PDLIM1: variants seen among roughly 807,000 people sequenced by gnomAD.
PDLIM1 encodes the protein PDZ and LIM domain protein 1.
A neutral mutation model predicts 35.2 loss-of-function variants in PDLIM1; 25 were observed. The ratio of observed to expected loss-of-function variants is 0.71; its 90% CI spans 0.52 to 0.99. The LOEUF (loss-of-function observed/expected upper bound fraction) is 0.99, where lower values mean the gene tolerates loss of function less well. Among genes scored for constraint, PDLIM1 ranks in the 50% least tolerant of loss-of-function variants. The pLI is 0.00. For missense variants in PDLIM1, 363 were observed against 415.3 expected (o/e 0.87, Z 1.09); for synonymous variants, 152 against 154.0 (o/e 0.99, Z 0.10).
chr10:95,256,130 C>T (rs777396991), intron 4 of PDLIM1, among the ~76,000 whole-genome samples: 2 of 152,026 alleles, frequency 1.3e-5, no homozygotes, highest in South Asian at 2.1e-4. Context: ...GAATAGAGTA[C>T]ATTTTAAAAT....
At chr10:95,252,293 A>G (rs2035274438) in intron 4 of PDLIM1, among the ~76,000 whole-genome samples, 1 of 152,180 alleles carries the variant, frequency 6.6e-6, no homozygotes. Flanking sequence ...ATGGGGAGCC[A>G]GAACTCCCAC....
chr10:95,242,807 C>T (rs1183122938), intron 5 of PDLIM1, among the ~76,000 whole-genome samples: 3 of 152,176 alleles, frequency 2.0e-5, no homozygotes, highest in Non-Finnish European at 4.4e-5. Context: ...CTCAAGCATC[C>T]CAAACGGATT....
At chr10:95,271,503 G>T in intron 2 of PDLIM1, 130 bp downstream of exon 2, 1 of 598,996 alleles carries the variant, frequency 1.7e-6, no homozygotes, top group Non-Finnish European at 2.8e-6. Context: ...CAGACCTTTT[G>T]GCATGCCTAT....
At position 95,237,768 on chromosome 10, in the gene PDLIM1, T is replaced by A; in HGVS notation, c.*157A>T. The A allele has an allele frequency of 1.6e-6, 1 of 618,332 alleles. No homozygotes were observed. The highest frequency in any genetic ancestry group is 2.8e-6 in the Non-Finnish European group (1 of 352,660). The allele number at this position is 618,332 out of a possible 1,614,324, so 38.3% of individuals were successfully genotyped here. ...AAAAGCGGGCATCGCACAGCTGGTG[T>A]GAGTCAATTAACCAAGGCAGGGAGG... On this transcript the variant is annotated 3_prime_UTR_variant, in exon 7 of 7. Coordinates refer to ENST00000329399, the MANE Select transcript of PDLIM1 (RefSeq NM_020992.4).
At chr10:95,267,710 C>A (rs1229677515) in intron 3 of PDLIM1, among the ~76,000 whole-genome samples, 2 of 152,076 alleles carry the variant, frequency 1.3e-5, no homozygotes, top group South Asian at 2.1e-4. Flanking sequence ...CACTAATATA[C>A]CAAGTGAGTT....
intron 4 of PDLIM1, among the ~76,000 whole-genome samples, chr10:95,251,801 A>G (rs1242239366): frequency 6.6e-6 from 1 of 152,192 alleles, no homozygotes; most frequent in African/African-American, 2.4e-5. Context: ...ATAAAACAAC[A>G]TGAGAAGACT....
intron 4 of PDLIM1, among the ~76,000 whole-genome samples, chr10:95,261,877 G>A (rs1024521441): frequency 1.1e-4 from 16 of 152,080 alleles, no homozygotes; most frequent in Middle Eastern, 3.4e-3. Context: ...GCGTGGTGGC[G>A]CATGCCTGTA....
At position 95,290,370 on chromosome 10, in the gene PDLIM1, C is replaced by A. The variant is rs1367887172; in HGVS notation, c.96+450G>T. Among the ~76,000 whole-genome samples the A allele has an allele frequency of 6.6e-6, 1 of 151,524 alleles. No homozygotes were observed. The highest frequency in any genetic ancestry group is 6.6e-5 in the Admixed American group (1 of 15,222). ...TGTTTTTTTAGGTTAATCCCACTTG[C>A]CCCCCACCCCAGTAAACTTCCCACC... is the stretch of plus-strand genomic sequence containing the variant. On this transcript the variant is annotated intron_variant, in intron 1 of 6. Coordinates refer to ENST00000329399, the MANE Select transcript of PDLIM1 (RefSeq NM_020992.4). This position sits in a 1 kb window ranked among gnomAD's most constrained non-coding sequence, Gnocchi z 4.7.
At chr10:95,245,310 G>T (rs2035210317) in intron 5 of PDLIM1, among the ~76,000 whole-genome samples, 1 of 152,068 alleles carries the variant, frequency 6.6e-6, no homozygotes, top group African/African-American at 2.4e-5. Context: ...CTGTCACCTG[G>T]GGGTAAGCAT....
At chr10:95,245,831 A>G (rs1358146751) in intron 5 of PDLIM1, among the ~76,000 whole-genome samples, 3 of 152,196 alleles carry the variant, frequency 2.0e-5, no homozygotes, top group Non-Finnish European at 4.4e-5. Flanking sequence ...ACAAATGGGG[A>G]GGAAGCCCAG....
At chr10:95,266,930 C>T (rs1240017904) in intron 3 of PDLIM1, among the ~76,000 whole-genome samples, 1 of 152,298 alleles carries the variant, frequency 6.6e-6, no homozygotes, top group Admixed American at 6.5e-5. Flanking sequence ...GAAGTACAAA[C>T]TAGGTGTGTA....
chr10:95,278,411 AAAAGGG>A (rs1460287507), intron 1 of PDLIM1, among the ~76,000 whole-genome samples: 12 of 152,204 alleles, frequency 7.9e-5, no homozygotes, highest in Non-Finnish European at 1.6e-4. Flanking sequence ...CTCAGCTGTG[AAAAGGG>A]TGGTGCCTGC....
intron 3 of PDLIM1, among the ~76,000 whole-genome samples, chr10:95,267,572 A>T (rs886228762): frequency 8.5e-5 from 13 of 152,054 alleles, no homozygotes; most frequent in Admixed American, 6.5e-5. Context: ...CCTTAAAATG[A>T]CTCTTGGGAT....
At position 95,256,986 on chromosome 10, in the gene PDLIM1, A is replaced by AAAAGAAAGAAAGAAAGAAAGAAAG. The variant is rs71034327; in HGVS notation, c.533+6854_533+6877dup. Among the ~76,000 whole-genome samples the AAAAGAAAGAAAGAAAGAAAGAAAG allele has an allele frequency of 8.6e-3, 529 of 61,576 alleles. 11 individuals are homozygous for AAAAGAAAGAAAGAAAGAAAGAAAG. Among genetic ancestry groups the AAAAGAAAGAAAGAAAGAAAGAAAG allele is most frequent in the East Asian group, 0.02 (60 of 3,002 alleles). The allele number at this position is 61,576 out of a possible 152,430, so 40.4% of individuals were successfully genotyped here. A position where few individuals can be genotyped will look rare whatever the true frequency, so the allele number is the denominator to read the frequency against. ...TGAGACTTCATCTTAAAAAAAAAAAAAAAGAAAGAAAGAAAGAAAGAAAGA... is the reference window on the plus strand; with the variant it reads ...TGAGACTTCATCTTAAAAAAAAAAAAAAAGAAAGAAAGAAAGAAAGAAAGAAAGAAAGAAAGAAAGAAAGAAAGA... On this transcript the variant is annotated intron_variant, in intron 4 of 6. Coordinates refer to ENST00000329399, the MANE Select transcript of PDLIM1 (RefSeq NM_020992.4).
chr10:95,272,271 A>G (rs1347977402), intron 1 of PDLIM1, among the ~76,000 whole-genome samples: 2 of 152,234 alleles, frequency 1.3e-5, no homozygotes, highest in African/African-American at 2.4e-5. Context: ...TTTCTTTAAA[A>G]ATCTTAATAA....
At chr10:95,279,503 A>G (rs1406252278) in intron 1 of PDLIM1, among the ~76,000 whole-genome samples, 1 of 152,008 alleles carries the variant, frequency 6.6e-6, no homozygotes, top group Non-Finnish European at 1.5e-5. Flanking sequence ...TCAAACCCCA[A>G]CTCTAACGCT....
chr10:95,245,967 G>C (rs2035215552), intron 5 of PDLIM1, among the ~76,000 whole-genome samples: 2 of 152,162 alleles, frequency 1.3e-5, no homozygotes, highest in South Asian at 4.1e-4. Context: ...CAGCCAACAT[G>C]CCAATCCCTT....
At chr10:95,251,826 G>A (rs778408484) in intron 4 of PDLIM1, among the ~76,000 whole-genome samples, 1 of 152,196 alleles carries the variant, frequency 6.6e-6, no homozygotes, top group Non-Finnish European at 1.5e-5. Context: ...CAGGGCAACG[G>A]AAGCCACACT....
intron 5 of PDLIM1, 151 bp downstream of exon 5, chr10:95,247,063 CT>C: frequency 2.9e-6 from 2 of 690,878 alleles, no homozygotes; most frequent in Admixed American, 2.5e-5. Context: ...CTCTCTCTCT[CT>C]CCCTCTATCT....
Sources: gnomAD v4.1 joint callset for allele counts (sites outside exome capture counted in the v4.1 genomes callset) on GRCh38, gnomAD v4.1.1 for gene constraint, Gnocchi (gnomAD v3.1) non-coding constraint, MANE v1.5 for transcripts, NCBI Gene and HGNC (gene_info 2026-07-23, HGNC 2026-07-21) for gene names.